Variants in IL7R observed in about 807,000 individuals in gnomAD.
The protein encoded by IL7R is interleukin 7 receptor.
In IL7R, 38 loss-of-function variants were observed where a neutral mutation model predicts 47.0. That is an observed-to-expected ratio of 0.81 (90% confidence interval 0.62 to 1.06). The LOEUF is 1.06. Ranked by LOEUF, IL7R falls within the 50% of genes least tolerant of loss-of-function variation. The probability of loss-of-function intolerance (pLI) is 0.00; values close to 1 mark genes in which losing one functional copy is unlikely to be tolerated. For missense variants in IL7R, 633 were observed against 534.8 expected (o/e 1.18, Z -1.81); for synonymous variants, 221 against 199.8 (o/e 1.11, Z -0.89).
intron 2 of IL7R, among the ~76,000 whole-genome samples, chr5:35,862,941 A>G (rs1759854325): frequency 6.6e-6 from 1 of 152,094 alleles, no homozygotes; most frequent in Non-Finnish European, 1.5e-5. Context: ...AATCGTGACA[A>G]CATTACCATC....
In IL7R at chr5:35,860,206, T is replaced by G. The variant is rs1486436488; in HGVS notation, c.83-646T>G. 2.6e-5 allele frequency among the ~76,000 whole-genome samples: 4 copies of G among 152,182 alleles called. No homozygotes were observed. The East Asian group carries it at 7.7e-4, about 29-fold the overall frequency. ...AGGAAGTTTCACCAAATCGGAGTCCTGCCAGATCTAATTTTTTTTCCCTAA... is the reference window on the plus strand; with the variant it reads ...AGGAAGTTTCACCAAATCGGAGTCCGGCCAGATCTAATTTTTTTTCCCTAA... On this transcript the variant is annotated intron_variant, in intron 1 of 7. Transcript: ENST00000303115.
intron 2 of IL7R, among the ~76,000 whole-genome samples, chr5:35,861,648 A>G (rs1199257027): frequency 6.6e-6 from 1 of 152,168 alleles, no homozygotes; most frequent in East Asian, 1.9e-4. Context: ...TTTTCCAAAA[A>G]TCCACAGGAA....
At chr5:35,872,842 T>C (rs1474775391) in intron 4 of IL7R, among the ~76,000 whole-genome samples, 1 of 151,608 alleles carries the variant, frequency 6.6e-6, no homozygotes, top group Non-Finnish European at 1.5e-5. Flanking sequence ...GATAAAGGAC[T>C]CTTATAAATC....
intron 3 of IL7R, among the ~76,000 whole-genome samples, chr5:35,869,352 G>T (rs1760015000): frequency 6.6e-6 from 1 of 152,114 alleles, no homozygotes; most frequent in Non-Finnish European, 1.5e-5. Flanking sequence ...TGATGAATGA[G>T]CCCCTTTTTC....
rs1439171865 is a variant in IL7R, at chr5:35,876,804, A to G, written c.*318A>G. 7 of 417,938 alleles carry G rather than the reference A, an allele frequency of 1.7e-5. No homozygotes were observed. The highest frequency in any genetic ancestry group is 4.3e-6 in the Non-Finnish European group (1 of 230,966). The allele number at this position is 417,938 out of a possible 1,614,324, so 25.9% of individuals were successfully genotyped here. A position where few individuals can be genotyped will look rare whatever the true frequency, so the allele number is the denominator to read the frequency against. ...ATGATTGAGGAGTGAGGAAGGCAGG[A>G]AGAGAGCATGAGAGGAAAGAAAGAA... On this transcript the variant is annotated 3_prime_UTR_variant, in exon 8 of 8. Coordinates refer to ENST00000303115, the MANE Select transcript of IL7R (RefSeq NM_002185.5).
rs73750059 is a variant in IL7R at position 35,869,265 on chromosome 5, T to G, written c.380-1791T>G. ...AGGCTGAAGAGGGAAGCATCCTGCC[T>G]TCCCACTTCTCTTAGCAGAGTAGAT... On this transcript the variant is annotated intron_variant, in intron 3 of 7. Coordinates refer to ENST00000303115, the MANE Select transcript of IL7R (RefSeq NM_002185.5). 5.9e-3 allele frequency among the ~76,000 whole-genome samples: 895 copies of G among 152,318 alleles called. 6 individuals are homozygous for G. The highest frequency in any genetic ancestry group is 0.021 in the African/African-American group (858 of 41,558).
At chr5:35,873,218 C>G (rs1580861931) in intron 4 of IL7R, 1 of 504,992 alleles carries the variant, frequency 2.0e-6, no homozygotes, top group South Asian at 2.1e-5. Flanking sequence ...AAGGGAGATC[C>G]TGGGCAGTGC....
Position 35,878,609 on chromosome 5 carries a change from G to A in IL7R, c.*2123G>A. The A allele has an allele frequency of 4.3e-6, 1 of 232,814 alleles. No individual in the cohort carries two copies. The highest frequency in any genetic ancestry group is 6.1e-5 in the East Asian group (1 of 16,494). 14.4% of individuals were successfully genotyped at this position (232,814 alleles called of 1,614,324 possible). ...GGGCAGGTGTTCTTTACCTTTTGTA[G>A]AAATGGGAGTCAAGTCTCAAATAGG... On this transcript the variant is annotated 3_prime_UTR_variant, in exon 8 of 8. Coordinates refer to ENST00000303115, the MANE Select transcript of IL7R (RefSeq NM_002185.5).
chr5:35,878,514 A>G lies in IL7R; in HGVS notation c.*2028A>G. 1 of 232,944 alleles carries G rather than the reference A, an allele frequency of 4.3e-6. No individual in the cohort carries two copies. The highest frequency in any genetic ancestry group is 8.5e-6 in the Non-Finnish European group (1 of 117,858). 14.4% of individuals were successfully genotyped at this position (232,944 alleles called of 1,614,324 possible). ...AGACAGGGCAAATGCCACAAAAATG[A>G]TGTAAATTTACATGGAGGAAAAGTA... On this transcript the variant is annotated 3_prime_UTR_variant, in exon 8 of 8. Transcript: ENST00000303115.
intron 3 of IL7R, among the ~76,000 whole-genome samples, chr5:35,868,433 T>C (rs970596427): frequency 4.6e-5 from 7 of 152,212 alleles, no homozygotes; most frequent in African/African-American, 1.7e-4. Flanking sequence ...AGAAGTTCCA[T>C]GTGTGAACAA....
chr5:35,861,084 C>A, intron 2 of IL7R, 94 bp downstream of exon 2: 1 of 1,318,072 alleles, frequency 7.6e-7, no homozygotes, highest in Non-Finnish European at 1.1e-6. Flanking sequence ...AATATGTGGC[C>A]TAATTAACAA....
At chr5:35,874,590 C>A (rs2149904148) in intron 6 of IL7R, 48 bp downstream of exon 6, 1 of 1,344,582 alleles carries the variant, frequency 7.4e-7, no homozygotes, top group Non-Finnish European at 1.1e-6. Flanking sequence ...GGATCACGGA[C>A]AGTCAGAGCT....
intron 2 of IL7R, among the ~76,000 whole-genome samples, chr5:35,865,701 T>A (rs906401031): frequency 1.3e-5 from 2 of 152,170 alleles, no homozygotes; most frequent in African/African-American, 4.8e-5. Context: ...TGCATTTCTC[T>A]GATGGCCATT....
intron 6 of IL7R, 84 bp downstream of exon 6, chr5:35,874,626 C>A (rs1760161084): frequency 9.7e-7 from 1 of 1,028,608 alleles, no homozygotes; most frequent in Non-Finnish European, 1.5e-6. Flanking sequence ...GATGAGAAAA[C>A]CACAAAGGGG....
rs1760229468 is a variant in IL7R, at chr5:35,876,771, T to G, written c.*285T>G. 1.8e-5 allele frequency: 8 copies of G among 438,388 alleles called. No individual in the cohort carries two copies. Among genetic ancestry groups the G allele is most frequent in the East Asian group, 1.1e-4 (3 of 26,598 alleles). The allele number at this position is 438,388 out of a possible 1,614,324, so 27.2% of individuals were successfully genotyped here. A position where few individuals can be genotyped will look rare whatever the true frequency, so the allele number is the denominator to read the frequency against. On this transcript the variant is annotated 3_prime_UTR_variant, in exon 8 of 8. Coordinates refer to ENST00000303115, the MANE Select transcript of IL7R (RefSeq NM_002185.5). ...AAAAAAAGAGGAAAGAATGAAAGAG[T>G]AAAGGAAATGATTGAGGAGTGAGGA...
intron 2 of IL7R, among the ~76,000 whole-genome samples, chr5:35,864,522 C>A (rs1339872763): frequency 6.6e-6 from 1 of 152,110 alleles, no homozygotes; most frequent in African/African-American, 2.4e-5. Flanking sequence ...ACATCATTTG[C>A]AACGTTTGAC....
In IL7R at chr5:35,871,058, A is replaced by T. The variant is rs2149901543; in HGVS notation, c.382A>T (p.Lys128Ter). 6.2e-7 allele frequency: 1 copy of T among 1,612,434 alleles called. No individual in the cohort carries two copies. Among genetic ancestry groups the T allele is most frequent in the Non-Finnish European group, 8.5e-7 (1 of 1,178,458 alleles). ...ATTTATTTCTTTTTCTTTTCCAGTT[A>T]AACCTGAGGCTCCTTTTGACCTGAG... Reference protein sequence around the residue: ...CKKIDLTTIVKPEAPFDLSVV... With the variant: ...CKKIDLTTIV The change falls in exon 4 of 8, where the codon AAA (lysine) becomes TAA (stop). Residue 128 changes from lysine (K) to a stop codon, truncating the protein, a stop_gained and splice_region_variant. Coordinates refer to ENST00000303115, the MANE Select transcript of IL7R (RefSeq NM_002185.5). LOFTEE classifies it high-confidence loss of function.
At chr5:35,863,022 G>T (rs764405789) in intron 2 of IL7R, among the ~76,000 whole-genome samples, 55 of 151,708 alleles carry the variant, frequency 3.6e-4, no homozygotes, top group Non-Finnish European at 4.0e-4. Flanking sequence ...CCAAAAATTC[G>T]GTTTTTATTT....
At chr5:35,868,758 G>A (rs776082588) in intron 3 of IL7R, among the ~76,000 whole-genome samples, 4 of 152,124 alleles carry the variant, frequency 2.6e-5, no homozygotes, top group Non-Finnish European at 5.9e-5. Flanking sequence ...GAGCATCAGG[G>A]GAGAGCCCAT....
Sources: allele counts gnomAD v4.1 joint callset (sites outside exome capture counted in the v4.1 genomes callset), GRCh38; gene constraint gnomAD v4.1.1; transcripts MANE v1.5; gene names NCBI Gene and HGNC (gene_info 2026-07-23, HGNC 2026-07-21).